MDGA2: variants seen among roughly 807,000 people sequenced by gnomAD.
The protein encoded by MDGA2 is MAM domain-containing glycosylphosphatidylinositol anchor protein 2.
Under a neutral mutation model 117.8 loss-of-function variants are expected in MDGA2, and 40 were observed. The observed-to-expected ratio is 0.34, with a 90% CI of 0.26 to 0.44. The LOEUF (loss-of-function observed/expected upper bound fraction) is 0.44. Among genes scored for constraint, MDGA2 ranks in the 20% least tolerant of loss-of-function variants. MDGA2 has a pLI of 1.00. For missense variants in MDGA2, 1,123 were observed against 1,250.6 expected (o/e 0.90, Z 1.54); for synonymous variants, 452 against 439.0 (o/e 1.03, Z -0.37).
intron 2 of MDGA2, among the ~76,000 whole-genome samples, chr14:47,279,650 AT>A (rs932360023): frequency 1.3e-5 from 2 of 150,492 alleles, no homozygotes; most frequent in Non-Finnish European, 1.5e-5. Flanking sequence ...CTATCCTGTG[AT>A]TTTTTTTAAA....
At chr14:47,172,407 G>A (rs1884195309) in intron 3 of MDGA2, among the ~76,000 whole-genome samples, 2 of 151,466 alleles carry the variant, frequency 1.3e-5, no homozygotes, top group Non-Finnish European at 2.9e-5. Flanking sequence ...CCAAGTAGGG[G>A]CAGACTGACA....
chr14:47,244,514 G>T (rs796497941), intron 2 of MDGA2, among the ~76,000 whole-genome samples: 2 of 151,836 alleles, frequency 1.3e-5, no homozygotes, highest in African/African-American at 4.8e-5. Flanking sequence ...TCCATTGAAA[G>T]AATCTCAATT....
chr14:47,086,239 T>C (rs139473880), intron 6 of MDGA2, among the ~76,000 whole-genome samples: 12 of 152,106 alleles, frequency 7.9e-5, no homozygotes, highest in African/African-American at 2.6e-4. Flanking sequence ...GAAAAGTATA[T>C]TTGTTGAGCC....
intron 2 of MDGA2, among the ~76,000 whole-genome samples, chr14:47,259,085 C>CA (rs1887713050): frequency 6.6e-6 from 1 of 152,028 alleles, no homozygotes; most frequent in Non-Finnish European, 1.5e-5. Context: ...ACACCAAGAC[C>CA]AATTTCCATT....
In MDGA2 at chr14:46,855,263, C is replaced by A. The variant is rs1180526875; in HGVS notation, c.2753-109G>T. 1.2e-6 allele frequency: 1 copy of A among 820,330 alleles called. No individual in the cohort carries two copies. The highest frequency in any genetic ancestry group is 1.9e-6 in the Non-Finnish European group (1 of 536,292). The allele number at this position is 820,330 out of a possible 1,614,324, so 50.8% of individuals were successfully genotyped here. A position where few individuals can be genotyped will look rare whatever the true frequency, so the allele number is the denominator to read the frequency against. ...TTAAACTGAAATTTTACAGAACACT[C>A]TAGTGTCTTGTCCTCTCTTCTCCTC... On this transcript the variant is annotated intron_variant, in intron 14 of 16. Coordinates refer to ENST00000399232, the MANE Select transcript of MDGA2 (RefSeq NM_001113498.3). The surrounding 1 kb of genome is among the most constrained non-coding windows in gnomAD (Gnocchi z 4.1).
chr14:47,512,490 C>A (rs1360900642), intron 1 of MDGA2, among the ~76,000 whole-genome samples: 1 of 152,082 alleles, frequency 6.6e-6, no homozygotes, highest in Non-Finnish European at 1.5e-5. Context: ...TCAAATTCTC[C>A]ATTTTACTTA....
chr14:46,865,574 T>C (rs1881720789), intron 14 of MDGA2, among the ~76,000 whole-genome samples: 1 of 152,092 alleles, frequency 6.6e-6, no homozygotes, highest in Non-Finnish European at 1.5e-5. Context: ...TAAAGGGTAT[T>C]CAATTAGGAA....
intron 3 of MDGA2, among the ~76,000 whole-genome samples, chr14:47,166,068 C>T (rs1004318606): frequency 3.8e-4 from 53 of 140,100 alleles, no homozygotes; most frequent in Non-Finnish European, 6.8e-4. Flanking sequence ...CAGAGTCTCG[C>T]TCTGTTGCCC....
chr14:46,954,186 G>C (rs1353970384), intron 9 of MDGA2, among the ~76,000 whole-genome samples: 1 of 151,930 alleles, frequency 6.6e-6, no homozygotes, highest in African/African-American at 2.4e-5. Context: ...TAGCCCTTTA[G>C]GTGGCAAAAG....
At chr14:47,239,672 T>C (rs1218013005) in intron 2 of MDGA2, among the ~76,000 whole-genome samples, 1 of 151,976 alleles carries the variant, frequency 6.6e-6, no homozygotes, top group Admixed American at 6.5e-5. Flanking sequence ...AATAAGATAA[T>C]GAATTTTCCT....
chr14:47,482,304 T>C (rs964472636), intron 1 of MDGA2, among the ~76,000 whole-genome samples: 1 of 152,050 alleles, frequency 6.6e-6, no homozygotes, highest in Non-Finnish European at 1.5e-5. Context: ...AAGAATTAAT[T>C]ACAAAGTTTC....
At chr14:47,592,743 G>A (rs574593438) in intron 1 of MDGA2, among the ~76,000 whole-genome samples, 8 of 152,078 alleles carry the variant, frequency 5.3e-5, no homozygotes, top group Non-Finnish European at 8.8e-5. Flanking sequence ...ACTCAAGATG[G>A]ATTAAAAACT....
chr14:47,361,089 C>A (rs979309518), intron 1 of MDGA2, among the ~76,000 whole-genome samples: 1 of 151,376 alleles, frequency 6.6e-6, no homozygotes, highest in African/African-American at 2.4e-5. Context: ...CTTGCCACAC[C>A]AAAAAATTGT....
chr14:46,930,877 T>C (rs542077251), intron 9 of MDGA2, among the ~76,000 whole-genome samples: 79 of 152,202 alleles, frequency 5.2e-4, no homozygotes, highest in Non-Finnish European at 3.1e-4. Context: ...CGGTTGAGGA[T>C]CTGAAAGGAA....
chr14:46,940,667 A>G (rs1348954816), intron 9 of MDGA2, among the ~76,000 whole-genome samples: 1 of 151,934 alleles, frequency 6.6e-6, no homozygotes, highest in African/African-American at 2.4e-5. Context: ...CAAAATATCT[A>G]AAAGCCTTGT....
chr14:46,983,668 A>G (rs900094369), intron 8 of MDGA2, among the ~76,000 whole-genome samples: 1 of 152,114 alleles, frequency 6.6e-6, no homozygotes, highest in African/African-American at 2.4e-5. Flanking sequence ...GTTTTCAGTA[A>G]TATCAAGGTG....
intron 1 of MDGA2, among the ~76,000 whole-genome samples, chr14:47,530,938 T>G (rs1467606115): frequency 2.0e-5 from 3 of 152,178 alleles, no homozygotes; most frequent in Admixed American, 1.3e-4. Context: ...GTTTTTAGAC[T>G]AAAGTTAATT....
intron 1 of MDGA2, among the ~76,000 whole-genome samples, chr14:47,420,199 G>C (rs1425180823): frequency 6.6e-6 from 1 of 152,080 alleles, no homozygotes; most frequent in Non-Finnish European, 1.5e-5. Context: ...TAAATTGAAA[G>C]TTACTCAATT....
chr14:47,361,207 C>CTCTA (rs61280975), intron 1 of MDGA2, among the ~76,000 whole-genome samples: 1,574 of 140,486 alleles, frequency 0.011, 22 homozygotes, highest in East Asian at 0.043. Context: ...CTCTCTCTCT[C>CTCTA]TATATATATA....
Sources: allele counts gnomAD v4.1 joint callset (sites outside exome capture counted in the v4.1 genomes callset), GRCh38; gene constraint gnomAD v4.1.1; non-coding constraint Gnocchi (gnomAD v3.1); transcripts MANE v1.5; gene names NCBI Gene and HGNC (gene_info 2026-07-23, HGNC 2026-07-21).